The following C14orf39 variants were observed in gnomAD, a reference collection of about 807,000 sequenced individuals.
C14orf39 encodes the protein protein SIX6OS1.
A neutral mutation model predicts 85.6 loss-of-function variants in C14orf39; 66 were observed. The ratio of observed to expected loss-of-function variants is 0.77; its 90% CI spans 0.63 to 0.95. The LOEUF is 0.95. Ranked by LOEUF, C14orf39 falls within the 40% of genes least tolerant of loss-of-function variation. The pLI, the probability that C14orf39 is intolerant of heterozygous loss-of-function variation, is 0.00. For missense variants in C14orf39, 735 were observed against 663.9 expected, an observed-to-expected ratio of 1.11 and a Z score of -1.18; for synonymous variants, 242 against 214.0, an observed-to-expected ratio of 1.13 and a Z score of -1.14.
At position 60,436,433 on chromosome 14, in the gene C14orf39, T is replaced by G. The variant is rs1890252895; in HGVS notation, c.*412A>C. 6.4e-6 allele frequency: 1 copy of G among 155,370 alleles called. No homozygotes were observed. Among genetic ancestry groups the G allele is most frequent in the Admixed American group, 6.5e-5 (1 of 15,446 alleles). The allele number at this position is 155,370 out of a possible 1,614,324, so 9.6% of individuals were successfully genotyped here. On this transcript the variant is annotated 3_prime_UTR_variant, in exon 18 of 18. Transcript: ENST00000321731. Reference sequence around the variant, plus strand: ...AAACCCAATAATTTTAATAGAAATTTTTAGTAGCTAAAGTACGCTTCAGCA... The same window carrying G: ...AAACCCAATAATTTTAATAGAAATTGTTAGTAGCTAAAGTACGCTTCAGCA...
chr14:60,445,163 A>G (rs1250558417), intron 16 of C14orf39, among the ~76,000 whole-genome samples: 3 of 152,234 alleles, frequency 2.0e-5, no homozygotes, highest in Non-Finnish European at 4.4e-5. Context: ...ACATCAATTA[A>G]CGGGCAAAAT....
chr14:60,461,572 C>A lies in C14orf39; in HGVS notation c.994G>T (p.Asp332Tyr). Reference sequence around the variant, plus strand: ...ATATGTGAACATTTTGAATGGTTATCCACAGCAGAGTCATTAAATATCTGA... The same window carrying A: ...ATATGTGAACATTTTGAATGGTTATACACAGCAGAGTCATTAAATATCTGA... ...DTQIFNDSAV[D>Y]NHSKCSHITT... Residue 332 changes from aspartate to tyrosine, a missense_variant, in exon 12 of 18, where the codon GAT (aspartate) becomes TAT (tyrosine). Physicochemically the swap from Asp to Tyr is radical, Grantham distance 160. Coordinates refer to ENST00000321731, the MANE Select transcript of C14orf39 (RefSeq NM_174978.3). 6.3e-7 allele frequency: 1 copy of A among 1,574,820 alleles called. No homozygotes were observed. The highest frequency in any genetic ancestry group is 8.6e-7 in the Non-Finnish European group (1 of 1,164,498).
intron 15 of C14orf39, among the ~76,000 whole-genome samples, chr14:60,455,585 C>CTA (rs1460280317): frequency 6.6e-6 from 1 of 151,968 alleles, no homozygotes; most frequent in East Asian, 1.9e-4. Flanking sequence ...AGAAGCCAGC[C>CTA]ATTACAGTGA....
chr14:60,508,904 A>G (rs2140187155), intron 1 of C14orf39: 1 of 170,994 alleles, frequency 5.8e-6, no homozygotes, highest in Non-Finnish European at 1.2e-5. Context: ...GGGGTGGGGG[A>G]GGGAGGAGTA....
intron 11 of C14orf39, among the ~76,000 whole-genome samples, chr14:60,463,280 C>G (rs1463674778): frequency 6.6e-6 from 1 of 152,012 alleles, no homozygotes. Flanking sequence ...TTTATTATCT[C>G]TTTATTAATT....
upstream of C14orf39, chr14:60,486,211 A>G (rs890506272): frequency 1.3e-5 from 2 of 152,228 alleles, no homozygotes; most frequent in African/African-American, 4.8e-5. Context: ...CGCGGGTGGA[A>G]GCGCGGAATA....
rs1181691636 is a variant in C14orf39, at chr14:60,498,522, T to C, written c.-9+774A>G. Among the ~76,000 whole-genome samples the C allele has an allele frequency of 3.7e-4, 56 of 152,240 alleles. 1 individual carries two copies. Among genetic ancestry groups the C allele is most frequent in the Admixed American group, 3.5e-3 (53 of 15,282 alleles). ...GCTCCTCTTCCCCTCCAATTATCTA[T>C]ATCTACAACTCAGGGAATTCAGTGG... On this transcript the variant is annotated intron_variant, in intron 2 of 5. Transcript: ENST00000556799.
chr14:60,458,595 G>A, intron 14 of C14orf39, 83 bp downstream of exon 14: 1 of 939,292 alleles, frequency 1.1e-6, no homozygotes, highest in Non-Finnish European at 1.7e-6. Context: ...ATAAATCACT[G>A]TACTAAATCT....
At chr14:60,499,458 A>C (rs777803686) in intron 1 of C14orf39, 6 of 152,248 alleles carry the variant, frequency 3.9e-5, no homozygotes, top group African/African-American at 1.2e-4. Context: ...ATCAATCAAT[A>C]AATAATTGTG....
chr14:60,494,358 G>T (rs1396826713), intron 2 of C14orf39: 1 of 159,666 alleles, frequency 6.3e-6, no homozygotes, highest in South Asian at 1.8e-4. Context: ...TTTCTCTCCA[G>T]TGTGAGCTCA....
rs774401420 is a variant in C14orf39, at chr14:60,466,943, A to C, written c.869T>G (p.Met290Arg). Reference sequence around the variant, plus strand: ...TGCAACTCTTGGTTCTGAAGAATGCATCTTTATTGGTCTTACTAATTTCTG... The same window carrying C: ...TGCAACTCTTGGTTCTGAAGAATGCCTCTTTATTGGTCTTACTAATTTCTG... ...ESQKLVRPIK[M>R]HSSEPRVADI... The change falls in exon 10 of 18, where the codon ATG (methionine) becomes AGG (arginine). Residue 290 changes from methionine to arginine, a missense_variant. Coordinates refer to ENST00000321731, the MANE Select transcript of C14orf39 (RefSeq NM_174978.3). 1 of 1,483,418 alleles carries C rather than the reference A, an allele frequency of 6.7e-7. No individual in the cohort carries two copies. The highest frequency in any genetic ancestry group is 2.6e-5 in the Admixed American group (1 of 38,074). 91.9% of individuals were successfully genotyped at this position (1,483,418 alleles called of 1,614,324 possible).
At chr14:60,499,993 T>A (rs912073070) in intron 1 of C14orf39, among the ~76,000 whole-genome samples, 18 of 152,192 alleles carry the variant, frequency 1.2e-4, no homozygotes, top group African/African-American at 3.9e-4. Flanking sequence ...AGAAGATTAA[T>A]GACCAGAGTG....
chr14:60,485,751 G>A (rs993497767), intron 1 of C14orf39, among the ~76,000 whole-genome samples, 194 bp downstream of exon 1: 1 of 151,858 alleles, frequency 6.6e-6, no homozygotes, highest in Non-Finnish European at 1.5e-5. Context: ...CCCCTCGCCC[G>A]AGGCTGCAAC....
chr14:60,485,010 T>C lies in C14orf39; in HGVS notation c.49+20A>G. On this transcript the variant is annotated intron_variant, in intron 2 of 17. Coordinates refer to ENST00000321731, the MANE Select transcript of C14orf39 (RefSeq NM_174978.3). ...AAATGATCATACAAAAAGCTACCTATTTTTTCACTTTATACCTACCAAATT... is the reference window on the plus strand; with the variant it reads ...AAATGATCATACAAAAAGCTACCTACTTTTTCACTTTATACCTACCAAATT... 6.3e-7 allele frequency: 1 copy of C among 1,595,288 alleles called. No homozygotes were observed. The highest frequency in any genetic ancestry group is 8.5e-7 in the Non-Finnish European group (1 of 1,175,168).
intron 2 of C14orf39, among the ~76,000 whole-genome samples, chr14:60,492,060 C>A (rs1892997459): frequency 6.6e-6 from 1 of 152,214 alleles, no homozygotes; most frequent in Non-Finnish European, 1.5e-5. Context: ...ATACCCACTT[C>A]ACAGTGTGAA....
At chr14:60,500,026 T>C (rs768501465) in intron 1 of C14orf39, among the ~76,000 whole-genome samples, 2 of 152,126 alleles carry the variant, frequency 1.3e-5, no homozygotes, top group Non-Finnish European at 2.9e-5. Context: ...AGCACTCCTT[T>C]TTTATTTTTT....
At chr14:60,485,428 C>G (rs1268173824) in intron 1 of C14orf39, among the ~76,000 whole-genome samples, 2 of 152,220 alleles carry the variant, frequency 1.3e-5, no homozygotes. Context: ...AGGATATGCC[C>G]TTTAAAGTAA....
At chr14:60,468,898 C>G (rs149257228) in intron 8 of C14orf39, among the ~76,000 whole-genome samples, 1 of 151,432 alleles carries the variant, frequency 6.6e-6, no homozygotes, top group Non-Finnish European at 1.5e-5. Flanking sequence ...TTATTTGGTA[C>G]CTCATACTTA....
chr14:60,491,219 A>G lies in C14orf39; in HGVS notation c.-8-6133T>C, dbSNP rs576509409. On this transcript the variant is annotated intron_variant, in intron 2 of 5. Transcript: ENST00000556799. This position sits in a 1 kb window ranked among gnomAD's most constrained non-coding sequence, Gnocchi z 4.5. ...AGTTTTTGAGGTCAGTAAGTCCAAC[A>G]CTGAGGCACTGGCAGATTCAGTGTC... Among the ~76,000 whole-genome samples the G allele has an allele frequency of 2.4e-4, 37 of 152,292 alleles. No homozygotes were observed. The highest frequency in any genetic ancestry group is 2.1e-3 in the Admixed American group (32 of 15,294).
Sources: gnomAD v4.1 joint callset for allele counts (sites outside exome capture counted in the v4.1 genomes callset) on GRCh38, gnomAD v4.1.1 for gene constraint, Gnocchi (gnomAD v3.1) non-coding constraint, MANE v1.5 for transcripts, NCBI Gene and HGNC (gene_info 2026-07-23, HGNC 2026-07-21) for gene names.